Variants in SLIT2 observed in about 807,000 individuals in gnomAD.
The protein encoded by SLIT2 is slit guidance ligand 2, also known as slit homolog 2 protein.
In SLIT2, 41 loss-of-function variants were observed where a neutral mutation model predicts 185.7. That is an observed-to-expected ratio of 0.22 (90% CI 0.17 to 0.29). SLIT2 has a LOEUF of 0.29. Among genes scored for constraint, SLIT2 ranks in the 10% least tolerant of loss-of-function variants. The pLI is 1.00. For missense variants in SLIT2, 1,571 were observed against 1,909.0 expected, an observed-to-expected ratio of 0.82 and a Z score of 3.30; for synonymous variants, 693 against 680.2, an observed-to-expected ratio of 1.02 and a Z score of -0.29.
intron 4 of SLIT2, among the ~76,000 whole-genome samples, chr4:20,403,104 T>C (rs1726486641): frequency 6.6e-6 from 1 of 151,946 alleles, no homozygotes; most frequent in Non-Finnish European, 1.5e-5. Context: ...TTTAATCTTT[T>C]GGGATCCAGA....
chr4:20,311,242 G>T (rs1223655547), intron 4 of SLIT2, among the ~76,000 whole-genome samples: 2 of 152,178 alleles, frequency 1.3e-5, no homozygotes, highest in Non-Finnish European at 2.9e-5. Context: ...GTATGTGTGG[G>T]AAAAGTTGGG....
chr4:20,589,871 A>AT, intron 30 of SLIT2, 134 bp downstream of exon 30: 2 of 439,364 alleles, frequency 4.6e-6, no homozygotes, highest in Non-Finnish European at 8.1e-6. Context: ...TATCAGTGAC[A>AT]TTTTTTAAAT....
intron 29 of SLIT2, among the ~76,000 whole-genome samples, chr4:20,583,021 A>T: frequency 6.6e-6 from 1 of 152,218 alleles, no homozygotes; most frequent in Non-Finnish European, 1.5e-5. Context: ...AACTCATGCA[A>T]TTCAAGACTT....
In SLIT2 at chr4:20,254,981, A is replaced by T. The variant is rs1172891919; in HGVS notation, c.179+987A>T. 5 of 456,122 alleles carry T rather than the reference A, an allele frequency of 1.1e-5. No homozygotes were observed. The highest frequency in any genetic ancestry group is 4.0e-5 in the African/African-American group (2 of 50,086). The allele number at this position is 456,122 out of a possible 1,614,324, so 28.3% of individuals were successfully genotyped here. On this transcript the variant is annotated intron_variant, in intron 1 of 36. Coordinates refer to ENST00000504154, the MANE Select transcript of SLIT2 (RefSeq NM_004787.4). The surrounding 1 kb of genome is among the most constrained non-coding windows in gnomAD (Gnocchi z 5.1). ...GGTGTTGACGGCCCACGCGCTCCTG[A>T]TGAGGCGCTTCCAGAGTTCAGCGAA...
rs143927483 is a variant in SLIT2 at position 20,302,925 on chromosome 4, G to A, written c.395+34044G>A. ...CTTCTGTCTTCACTTTTATGACTTC[G>A]TTAAAATCCATTCACTGATGAAATC... On this transcript the variant is annotated intron_variant, in intron 4 of 36. Transcript: ENST00000504154. Among the ~76,000 whole-genome samples, 604 of 152,120 alleles carry A rather than the reference G, an allele frequency of 4.0e-3. 9 individuals are homozygous for A. The highest frequency in any genetic ancestry group is 0.014 in the African/African-American group (575 of 41,502).
intron 4 of SLIT2, among the ~76,000 whole-genome samples, chr4:20,286,694 C>T (rs1409426647): frequency 3.9e-5 from 6 of 152,022 alleles, no homozygotes; most frequent in Non-Finnish European, 8.8e-5. Flanking sequence ...CCCAGCTACT[C>T]GGGAGGCTGA....
chr4:20,268,710 C>G (rs1332613690), intron 3 of SLIT2, 100 bp from the exon 4 acceptor site: 10 of 819,078 alleles, frequency 1.2e-5, no homozygotes, highest in Admixed American at 3.6e-5. Flanking sequence ...TCATTTCATT[C>G]TTTTCTGAAA....
chr4:20,259,094 C>A lies in SLIT2; in HGVS notation c.323+1155C>A, dbSNP rs532697290. On this transcript the variant is annotated intron_variant, in intron 3 of 36. Transcript: ENST00000504154. ...TTTCTCTATGTTAAATATTACAATA[C>A]AAGGACTATAATTGTGGAATTCAAA... 1.0e-3 allele frequency among the ~76,000 whole-genome samples: 154 copies of A among 151,616 alleles called. 1 individual carries two copies. Among genetic ancestry groups the A allele is most frequent in the African/African-American group, 3.3e-3 (136 of 41,486 alleles).
chr4:20,617,486 G>C lies in SLIT2; in HGVS notation c.4184G>C (p.Cys1395Ser), dbSNP rs1173382521. The C allele has an allele frequency of 6.2e-7, 1 of 1,614,022 alleles. No homozygotes were observed. The highest frequency in any genetic ancestry group is 8.5e-7 in the Non-Finnish European group (1 of 1,180,018). Reference protein sequence around the residue: ...CLPINAFSYSCKCLEGHGGVL... With the variant: ...CLPINAFSYSSKCLEGHGGVL... ...CCCATCAATGCGTTCTCCTACAGCTGTAAGTGCTTGGAGGGCCATGGAGGT... is the reference window on the plus strand; with the variant it reads ...CCCATCAATGCGTTCTCCTACAGCTCTAAGTGCTTGGAGGGCCATGGAGGT... Residue 1395 changes from cysteine to serine, a missense_variant, in exon 36 of 37, where the codon TGT becomes TCT. By Grantham distance (112) the Cys-to-Ser change is moderately radical (BLOSUM62 -1). Coordinates refer to ENST00000504154, the MANE Select transcript of SLIT2 (RefSeq NM_004787.4).
chr4:20,496,889 C>A (rs188585203), intron 9 of SLIT2, among the ~76,000 whole-genome samples: 2 of 152,180 alleles, frequency 1.3e-5, no homozygotes, highest in Non-Finnish European at 2.9e-5. Context: ...GAGGAACAGC[C>A]TATTATCTCC....
chr4:20,326,826 T>C (rs936178332), intron 4 of SLIT2, among the ~76,000 whole-genome samples: 2 of 146,982 alleles, frequency 1.4e-5, no homozygotes, highest in African/African-American at 5.0e-5. Context: ...TTTCTTAGAA[T>C]GTGTCTTCTT....
At chr4:20,275,445 GA>G (rs1714071662) in intron 4 of SLIT2, among the ~76,000 whole-genome samples, 1 of 152,112 alleles carries the variant, frequency 6.6e-6, no homozygotes, top group African/African-American at 2.4e-5. Context: ...AAGTATGATA[GA>G]AACTATAATT....
rs974592197 is a variant in SLIT2 at position 20,252,174 on chromosome 4, C to G, written c.-1642C>G. On this transcript the variant is annotated 5_prime_UTR_variant, in exon 1 of 37. Coordinates refer to ENST00000504154, the MANE Select transcript of SLIT2 (RefSeq NM_004787.4). The stretch of plus-strand genomic sequence containing the variant: ...AGGCGCGGGCCGGGTTTTTGTTTGG[C>G]TACGCTGAGCGCCAGTCAGCCCCAG... Among the ~76,000 whole-genome samples, 1 of 151,750 alleles carries G rather than the reference C, an allele frequency of 6.6e-6. No homozygotes were observed. The highest frequency in any genetic ancestry group is 1.5e-5 in the Non-Finnish European group (1 of 67,936).
chr4:20,299,722 G>A (rs907241052), intron 4 of SLIT2, among the ~76,000 whole-genome samples: 2 of 151,458 alleles, frequency 1.3e-5, no homozygotes, highest in African/African-American at 4.8e-5. Context: ...TTTAAGGCCC[G>A]ACAGGGGGAG....
intron 4 of SLIT2, among the ~76,000 whole-genome samples, chr4:20,280,587 T>C (rs1406866064): frequency 6.6e-6 from 1 of 151,972 alleles, no homozygotes; most frequent in African/African-American, 2.4e-5. Context: ...GTGAAGATAA[T>C]TGAGGGAAAG....
At chr4:20,553,747 G>C in intron 25 of SLIT2, 58 bp from the exon 26 acceptor site, 1 of 1,320,566 alleles carries the variant, frequency 7.6e-7, no homozygotes, top group Non-Finnish European at 1.0e-6. Context: ...GTGTGTGTGT[G>C]TGTGTGTGTA....
chr4:20,598,350 G>T lies in SLIT2; in HGVS notation c.3647G>T (p.Arg1216Leu). 1.2e-6 allele frequency: 2 copies of T among 1,614,052 alleles called. No homozygotes were observed. The highest frequency in any genetic ancestry group is 1.7e-6 in the Non-Finnish European group (2 of 1,179,976). Reference protein sequence around the residue: ...IAVELYRGRVRASYDTGSHPA... With the variant: ...IAVELYRGRVLASYDTGSHPA... ...GTAGAACTCTATCGGGGGCGTGTTC[G>T]TGCCAGCTATGACACCGGCTCTCAT... The change falls in exon 33 of 37, where the codon CGT becomes CTT. Residue 1216 changes from arginine to leucine, a missense_variant. By Grantham distance (102) the Arg-to-Leu change is moderately radical (BLOSUM62 -2). Coordinates refer to ENST00000504154, the MANE Select transcript of SLIT2 (RefSeq NM_004787.4).
chr4:20,339,310 A>T (rs886726242), intron 4 of SLIT2, among the ~76,000 whole-genome samples: 1 of 152,088 alleles, frequency 6.6e-6, no homozygotes, highest in East Asian at 1.9e-4. Context: ...CTACTTGGTC[A>T]CATATATTTG....
intron 11 of SLIT2, among the ~76,000 whole-genome samples, chr4:20,516,823 C>T (rs1321346126): frequency 6.6e-6 from 1 of 152,102 alleles, no homozygotes; most frequent in Non-Finnish European, 1.5e-5. Context: ...ATGGTTGATA[C>T]TCCATATAGC....
Sources: allele counts gnomAD v4.1 joint callset (sites outside exome capture counted in the v4.1 genomes callset), GRCh38; gene constraint gnomAD v4.1.1; non-coding constraint Gnocchi (gnomAD v3.1); transcripts MANE v1.5; gene names NCBI Gene and HGNC (gene_info 2026-07-23, HGNC 2026-07-21).